The following UBE2V2 variants were observed in gnomAD, a reference collection of about 807,000 sequenced individuals.
The protein encoded by UBE2V2 is ubiquitin conjugating enzyme E2 V2.
UBE2V2 carries 9 observed loss-of-function variants against 17.2 expected under a neutral mutation model. The observed-to-expected ratio is 0.52, with a 90% CI of 0.32 to 0.91. The LOEUF (loss-of-function observed/expected upper bound fraction) is 0.91, where lower values mean the gene tolerates loss of function less well. Ranked by LOEUF, UBE2V2 falls within the 40% of genes least tolerant of loss-of-function variation. UBE2V2 has a pLI of 0.04. For missense variants in UBE2V2, 133 were observed against 182.6 expected, an observed-to-expected ratio of 0.73 and a Z score of 1.56; for synonymous variants, 61 against 57.5, an observed-to-expected ratio of 1.06 and a Z score of -0.28.
rs1227783244 is a variant in UBE2V2, at chr8:48,064,649, A to G, written c.*3821A>G. On this transcript the variant is annotated 3_prime_UTR_variant, in exon 4 of 4. Transcript: ENST00000523111. ...AATTAATGAAGGTATTTAATGATAT[A>G]GGAAATAAGTGACAAGTTAAAGTCC... is the stretch of plus-strand genomic sequence containing the variant. The G allele has an allele frequency of 6.6e-6, 1 of 152,110 alleles. No homozygotes were observed. The highest frequency in any genetic ancestry group is 1.5e-5 in the Non-Finnish European group (1 of 68,010). The allele number at this position is 152,110 out of a possible 1,614,324, so 9.4% of individuals were successfully genotyped here.
chr8:47,999,605 A>G, the UBE2V2 span, among the ~76,000 whole-genome samples: 9 of 151,848 alleles, frequency 5.9e-5, no homozygotes, highest in Non-Finnish European at 1.3e-4. Flanking sequence ...TGTGATCTGC[A>G]TGCCTCGGCC....
At chr8:47,998,312 G>A in the UBE2V2 span, among the ~76,000 whole-genome samples, 2 of 151,992 alleles carry the variant, frequency 1.3e-5, no homozygotes, top group African/African-American at 4.8e-5. Context: ...AATGGAAGTA[G>A]GGGCGCACGT....
chr8:48,039,786 G>A (rs915591224), intron 1 of UBE2V2, among the ~76,000 whole-genome samples: 7 of 151,970 alleles, frequency 4.6e-5, no homozygotes, highest in Non-Finnish European at 8.8e-5. Context: ...AGGCTGGAGT[G>A]CAGTGGTGTG....
At chr8:48,035,011 A>G (rs754925287) in intron 1 of UBE2V2, 10 of 982,414 alleles carry the variant, frequency 1.0e-5, no homozygotes, top group Non-Finnish European at 1.2e-5. Context: ...TTCTTACATG[A>G]TGGTTGGCTT....
chr8:48,011,561 T>G (rs2091231635), intron 1 of UBE2V2, among the ~76,000 whole-genome samples: 1 of 152,220 alleles, frequency 6.6e-6, no homozygotes, highest in Admixed American at 6.5e-5. Flanking sequence ...GACAAATATG[T>G]TTTGATCTTT....
intron 2 of UBE2V2, among the ~76,000 whole-genome samples, chr8:48,045,408 G>A (rs2091492370): frequency 6.6e-6 from 1 of 152,104 alleles, no homozygotes; most frequent in South Asian, 2.1e-4. Flanking sequence ...TAAACTGGGG[G>A]AACTTACCAG....
intron 3 of UBE2V2, 180 bp downstream of exon 3, chr8:48,050,158 A>G (rs2091526289): frequency 2.4e-6 from 1 of 413,958 alleles, no homozygotes; most frequent in Non-Finnish European, 4.1e-6. Context: ...TTCTTTTATT[A>G]ATATAAATTA....
At chr8:48,013,493 T>G (rs1473193778) in intron 1 of UBE2V2, among the ~76,000 whole-genome samples, 1 of 151,916 alleles carries the variant, frequency 6.6e-6, no homozygotes, top group African/African-American at 2.4e-5. Flanking sequence ...GTATTTTTAG[T>G]AGAAGTGGGG....
chr8:48,007,768 C>T (rs1005358481), upstream of UBE2V2, among the ~76,000 whole-genome samples: 2 of 150,374 alleles, frequency 1.3e-5, no homozygotes, highest in African/African-American at 2.5e-5. Context: ...TGGAGTCTCC[C>T]TCTGTTGCCC....
At chr8:48,060,209 C>CAAA (rs557515958) in intron 3 of UBE2V2, among the ~76,000 whole-genome samples, 11 of 43,796 alleles carry the variant, frequency 2.5e-4, no homozygotes, top group Non-Finnish European at 4.6e-4. Flanking sequence ...GACTCTGTCT[C>CAAA]AAAAAAAAAA....
intron 1 of UBE2V2, among the ~76,000 whole-genome samples, chr8:48,024,984 G>T (rs1385348380): frequency 6.6e-5 from 10 of 151,056 alleles, no homozygotes; most frequent in Admixed American, 6.6e-4. Flanking sequence ...GCCCGGGCTG[G>T]AGTGCAGTGG....
At chr8:48,033,725 A>G (rs2091400555) in intron 1 of UBE2V2, among the ~76,000 whole-genome samples, 1 of 151,980 alleles carries the variant, frequency 6.6e-6, no homozygotes, top group African/African-American at 2.4e-5. Flanking sequence ...TGGGAGGCCG[A>G]GGCAGGCTGA....
At chr8:48,006,846 G>A (rs1413213966), upstream of UBE2V2, among the ~76,000 whole-genome samples, 6 of 152,102 alleles carry the variant, frequency 3.9e-5, no homozygotes, top group South Asian at 2.1e-4. Flanking sequence ...CTGAATGGGC[G>A]AAAACTGGAA....
At position 48,013,420 on chromosome 8, in the gene UBE2V2, G is replaced by A. The variant is rs1018099045; in HGVS notation, c.16+4950G>A. 2.6e-5 allele frequency among the ~76,000 whole-genome samples: 4 copies of A among 151,952 alleles called. No homozygotes were observed. In the South Asian group the frequency reaches 8.3e-4, roughly 31 times the overall value. On this transcript the variant is annotated intron_variant, in intron 1 of 3. Coordinates refer to ENST00000523111, the MANE Select transcript of UBE2V2 (RefSeq NM_003350.3). ...CCTCCTGGGTTCATGCCATTCTGTG[G>A]CCTCAGCCTCCGAAGTAGCTGGGAC...
intron 1 of UBE2V2, among the ~76,000 whole-genome samples, chr8:48,016,257 T>C (rs2091268735): frequency 6.6e-6 from 1 of 152,198 alleles, no homozygotes; most frequent in African/African-American, 2.4e-5. Context: ...TTTTGAGTAG[T>C]GCTGCAATAA....
At chr8:48,021,564 C>T (rs527644349) in intron 1 of UBE2V2, among the ~76,000 whole-genome samples, 2 of 152,188 alleles carry the variant, frequency 1.3e-5, no homozygotes, top group African/African-American at 4.8e-5. Context: ...CCTTGGCCTC[C>T]CAAAGTGCTG....
chr8:48,008,450 A>T lies in UBE2V2; in HGVS notation c.-5A>T, dbSNP rs758232403. 1.3e-6 allele frequency: 2 copies of T among 1,566,660 alleles called. No homozygotes were observed. The highest frequency in any genetic ancestry group is 1.7e-6 in the Non-Finnish European group (2 of 1,158,848). ...GCGGGCGGCTGCGTCGGGCTGCAGG[A>T]GAAGATGGCGGTCTCCACAGGTCGG... On this transcript the variant is annotated 5_prime_UTR_variant, in exon 1 of 4. Transcript: ENST00000523111.
intron 1 of UBE2V2, among the ~76,000 whole-genome samples, chr8:48,022,145 T>G (rs2091309896): frequency 6.6e-6 from 1 of 151,328 alleles, no homozygotes; most frequent in Admixed American, 6.6e-5. Context: ...TTTGGATCTT[T>G]TTTTTTTTTT....
At chr8:48,000,448 A>G in the UBE2V2 span, among the ~76,000 whole-genome samples, 1 of 152,120 alleles carries the variant, frequency 6.6e-6, no homozygotes, top group Non-Finnish European at 1.5e-5. Context: ...TTTCAAACCT[A>G]AACTGTTGTT....
Sources: gnomAD v4.1 joint callset for allele counts (sites outside exome capture counted in the v4.1 genomes callset) on GRCh38, gnomAD v4.1.1 for gene constraint, MANE v1.5 for transcripts, NCBI Gene and HGNC (gene_info 2026-07-23, HGNC 2026-07-21) for gene names.